PRKAG2: variants seen among roughly 807,000 people sequenced by gnomAD.
The protein encoded by PRKAG2 is protein kinase AMP-activated non-catalytic subunit gamma 2.
A neutral mutation model predicts 69.6 loss-of-function variants in PRKAG2; 26 were observed. That is an observed-to-expected ratio of 0.37 (90% confidence interval 0.27 to 0.52). The LOEUF (loss-of-function observed/expected upper bound fraction) is 0.52, where lower values mean the gene tolerates loss of function less well. Among genes scored for constraint, PRKAG2 ranks in the 20% least tolerant of loss-of-function variants. The pLI, the probability that PRKAG2 is intolerant of heterozygous loss-of-function variation, is 0.90. For synonymous variants in PRKAG2, 293 were observed against 285.0 expected, an observed-to-expected ratio of 1.03 and a Z score of -0.28; for missense variants, 557 against 740.0, an observed-to-expected ratio of 0.75 and a Z score of 2.87.
At chr7:151,875,413 T>C (rs1487804093) in intron 1 of PRKAG2, among the ~76,000 whole-genome samples, 1 of 152,106 alleles carries the variant, frequency 6.6e-6, no homozygotes, top group African/African-American at 2.4e-5. Flanking sequence ...GGATTCACAG[T>C]GGGAAGTGAG....
At chr7:151,740,899 T>C (rs978155493) in intron 3 of PRKAG2, among the ~76,000 whole-genome samples, 3 of 152,248 alleles carry the variant, frequency 2.0e-5, no homozygotes, top group African/African-American at 7.2e-5. Flanking sequence ...CTAGGTCCCC[T>C]GATATACTGA....
chr7:151,792,879 G>A (rs2077330419), intron 1 of PRKAG2, among the ~76,000 whole-genome samples: 1 of 152,160 alleles, frequency 6.6e-6, no homozygotes, highest in Non-Finnish European at 1.5e-5. Flanking sequence ...GGCCCCTCCC[G>A]GCCATATTCA....
intron 1 of PRKAG2, among the ~76,000 whole-genome samples, chr7:151,798,210 G>A (rs1563693618): frequency 6.6e-6 from 1 of 151,466 alleles, no homozygotes; most frequent in Non-Finnish European, 1.5e-5. Flanking sequence ...CACCATGTTG[G>A]CCAGGCTGGT....
At chr7:151,731,341 G>C (rs1432054189) in intron 3 of PRKAG2, among the ~76,000 whole-genome samples, 2 of 152,236 alleles carry the variant, frequency 1.3e-5, no homozygotes, top group Non-Finnish European at 2.9e-5. Flanking sequence ...AGCCAGAGAG[G>C]GGTAAGGGCT....
chr7:151,866,070 T>C (rs1289706841), intron 1 of PRKAG2, among the ~76,000 whole-genome samples: 4 of 152,032 alleles, frequency 2.6e-5, no homozygotes. Flanking sequence ...ACAGGTTATT[T>C]ATTTTTGAGA....
At position 151,668,065 on chromosome 7, in the gene PRKAG2, C is replaced by T. The variant is rs539072644; in HGVS notation, c.684+7355G>A. On this transcript the variant is annotated intron_variant, in intron 4 of 15. Coordinates refer to ENST00000287878, the MANE Select transcript of PRKAG2 (RefSeq NM_016203.4). The stretch of plus-strand genomic sequence containing the variant: ...ATGTGGCAGTGTTGAGAGGTGGGGC[C>T]TAGTGGGAGGTGTTTGGGCCATGGG... Among the ~76,000 whole-genome samples, 7 of 152,308 alleles carry T rather than the reference C, an allele frequency of 4.6e-5. No individual in the cohort carries two copies. The East Asian group carries it at 1.3e-3, about 29-fold the overall frequency.
intron 3 of PRKAG2, among the ~76,000 whole-genome samples, chr7:151,722,361 A>G (rs1797249660): frequency 6.6e-6 from 1 of 152,206 alleles, no homozygotes; most frequent in Non-Finnish European, 1.5e-5. Flanking sequence ...GGAAAAGGGT[A>G]AATAAGTTTA....
In PRKAG2 at chr7:151,614,072, G is replaced by A. The variant is rs1379394628; in HGVS notation, c.754+17997C>T. Among the ~76,000 whole-genome samples, 1 of 152,076 alleles carries A rather than the reference G, an allele frequency of 6.6e-6. No homozygotes were observed. Among genetic ancestry groups the A allele is most frequent in the Non-Finnish European group, 1.5e-5 (1 of 68,002 alleles). The stretch of plus-strand genomic sequence containing the variant: ...CCTTACCTCCAACTCAGACACCCCC[G>A]CTCCAGTGACCAACTCTCTGGTCTC... On this transcript the variant is annotated intron_variant, in intron 5 of 15. Coordinates refer to ENST00000287878, the MANE Select transcript of PRKAG2 (RefSeq NM_016203.4). This position sits in a 1 kb window ranked among gnomAD's most constrained non-coding sequence, Gnocchi z 4.4.
chr7:151,711,875 C>T (rs1795376761), intron 3 of PRKAG2, among the ~76,000 whole-genome samples: 3 of 152,222 alleles, frequency 2.0e-5, no homozygotes, highest in Admixed American at 2.0e-4. Context: ...CTCTTCCTAG[C>T]CACAGCCTGG....
At chr7:151,561,573 G>A (rs909374004) in intron 14 of PRKAG2, among the ~76,000 whole-genome samples, 7 of 152,236 alleles carry the variant, frequency 4.6e-5, no homozygotes, top group African/African-American at 1.7e-4. Context: ...ACGGCAGAGC[G>A]TTTTGAGGTG....
At chr7:151,633,744 A>C (rs774502706) in intron 4 of PRKAG2, among the ~76,000 whole-genome samples, 1 of 152,224 alleles carries the variant, frequency 6.6e-6, no homozygotes, top group Non-Finnish European at 1.5e-5. Flanking sequence ...TGTAGATGAA[A>C]GACGAGCTAA....
intron 6 of PRKAG2, among the ~76,000 whole-genome samples, chr7:151,591,821 G>A (rs1349295346): frequency 6.6e-6 from 1 of 152,124 alleles, no homozygotes; most frequent in Non-Finnish European, 1.5e-5. Context: ...TGAGGGTTTT[G>A]AGGGAAGATT....
At chr7:151,586,326 C>T (rs575340444) in intron 6 of PRKAG2, among the ~76,000 whole-genome samples, 265 of 140,534 alleles carry the variant, frequency 1.9e-3, no homozygotes, top group Non-Finnish European at 1.7e-3. Context: ...AGGTGAATCT[C>T]CTGTAAATTT....
chr7:151,660,362 C>G (rs928980820), intron 4 of PRKAG2, among the ~76,000 whole-genome samples: 5 of 152,116 alleles, frequency 3.3e-5, no homozygotes, highest in Non-Finnish European at 7.4e-5. Context: ...CTCCCTGGTA[C>G]TAAAGTACTG....
intron 3 of PRKAG2, among the ~76,000 whole-genome samples, chr7:151,701,463 G>A (rs2151569008): frequency 6.6e-6 from 1 of 152,234 alleles, no homozygotes; most frequent in East Asian, 1.9e-4. Context: ...AGTGGCCGGT[G>A]TCTTTATAAG....
chr7:151,613,145 A>G (rs1032433294), intron 5 of PRKAG2, among the ~76,000 whole-genome samples: 3 of 152,242 alleles, frequency 2.0e-5, no homozygotes, highest in African/African-American at 7.2e-5. Flanking sequence ...GATGGAAGAA[A>G]GACAGTTGGG....
At chr7:151,664,494 C>A (rs927276008) in intron 4 of PRKAG2, among the ~76,000 whole-genome samples, 5 of 152,182 alleles carry the variant, frequency 3.3e-5, no homozygotes, top group Non-Finnish European at 7.3e-5. Context: ...CTCTTCACAC[C>A]AAGCTTCTTG....
intron 4 of PRKAG2, among the ~76,000 whole-genome samples, chr7:151,661,288 C>T (rs1190708673): frequency 6.6e-6 from 1 of 152,220 alleles, no homozygotes; most frequent in Non-Finnish European, 1.5e-5. Flanking sequence ...AGCAATTCTC[C>T]TGCCTCAGCC....
In PRKAG2 at chr7:151,827,745, T is replaced by TAAA. The variant is rs55685618; in HGVS notation, c.115-41207_115-41205dup. On this transcript the variant is annotated intron_variant, in intron 1 of 15. Coordinates refer to ENST00000287878, the MANE Select transcript of PRKAG2 (RefSeq NM_016203.4). ...AGGAATTTCTTGAGGTGGCCTTAGG[T>TAAA]AAAAAAAAAAAAAAAAAAAAAAAAA... 1.1e-3 allele frequency among the ~76,000 whole-genome samples: 57 copies of TAAA among 52,258 alleles called. 6 individuals are homozygous for TAAA. Among genetic ancestry groups the TAAA allele is most frequent in the African/African-American group, 3.9e-3 (49 of 12,704 alleles). The allele number at this position is 52,258 out of a possible 152,430, so 34.3% of individuals were successfully genotyped here. A position where few individuals can be genotyped will look rare whatever the true frequency, so the allele number is the denominator to read the frequency against.
Sources: allele counts gnomAD v4.1 joint callset (sites outside exome capture counted in the v4.1 genomes callset), GRCh38; gene constraint gnomAD v4.1.1; non-coding constraint Gnocchi (gnomAD v3.1); transcripts MANE v1.5; gene names NCBI Gene and HGNC (gene_info 2026-07-23, HGNC 2026-07-21).